MGAT5: variants seen among roughly 807,000 people sequenced by gnomAD.
The protein encoded by MGAT5 is alpha-1,6-mannosylglycoprotein 6-beta-N-acetylglucosaminyltransferase, also known as alpha-1,6-mannosylglycoprotein 6-beta-N-acetylglucosaminyltransferase A.
In MGAT5, 30 loss-of-function variants were observed where a neutral mutation model predicts 94.3. That is an observed-to-expected ratio of 0.32 (90% CI 0.24 to 0.43). The LOEUF (loss-of-function observed/expected upper bound fraction) is 0.43. Among genes scored for constraint, MGAT5 ranks in the 20% least tolerant of loss-of-function variants. The probability of loss-of-function intolerance (pLI) is 1.00; values close to 1 mark genes in which losing one functional copy is unlikely to be tolerated. For missense variants in MGAT5, 691 were observed against 905.5 expected (o/e 0.76, Z 3.04); for synonymous variants, 310 against 322.9 (o/e 0.96, Z 0.43).
intron 6 of MGAT5, among the ~76,000 whole-genome samples, chr2:134,341,009 T>C (rs1688593972): frequency 6.6e-6 from 1 of 152,192 alleles, no homozygotes; most frequent in Admixed American, 6.5e-5. Flanking sequence ...GTTCAAGTTA[T>C]ATTTTTCAAG....
intron 2 of MGAT5, among the ~76,000 whole-genome samples, chr2:134,278,754 C>T (rs1573685944): frequency 6.6e-6 from 1 of 152,178 alleles, no homozygotes; most frequent in East Asian, 1.9e-4. Flanking sequence ...GGAACGAGCC[C>T]AAACCCCTGC....
chr2:134,391,091 AG>A (rs1220325700), intron 10 of MGAT5, among the ~76,000 whole-genome samples: 2 of 152,106 alleles, frequency 1.3e-5, no homozygotes, highest in Non-Finnish European at 2.9e-5. Context: ...AAGTAAGAGG[AG>A]GGGACATATT....
chr2:134,387,631 T>C (rs1682113938), intron 10 of MGAT5, among the ~76,000 whole-genome samples: 1 of 152,134 alleles, frequency 6.6e-6, no homozygotes, highest in African/African-American at 2.4e-5. Context: ...TAGAAGTTCC[T>C]GCAGCTGGTA....
intron 4 of MGAT5, among the ~76,000 whole-genome samples, chr2:134,322,463 A>G (rs34890954): frequency 0.14 from 20,846 of 152,170 alleles, 1,698 homozygotes; most frequent in South Asian, 0.25. Context: ...GCTAATTAAC[A>G]TGTGCATTAC....
intron 1 of MGAT5, among the ~76,000 whole-genome samples, chr2:134,142,094 G>A (rs1279997893): frequency 6.6e-6 from 1 of 152,180 alleles, no homozygotes; most frequent in Non-Finnish European, 1.5e-5. Flanking sequence ...GGAGTGCAAG[G>A]GGAGGCTGAC....
chr2:134,271,469 C>T (rs948659798), intron 2 of MGAT5, among the ~76,000 whole-genome samples: 1 of 152,266 alleles, frequency 6.6e-6, no homozygotes, highest in East Asian at 1.9e-4. Flanking sequence ...CTTTTGACAT[C>T]AGTTCCTGCT....
intron 14 of MGAT5, among the ~76,000 whole-genome samples, chr2:134,433,694 C>G (rs1685009459): frequency 6.6e-6 from 1 of 152,170 alleles, no homozygotes; most frequent in African/African-American, 2.4e-5. Context: ...GTCAGTTACT[C>G]AATATTTATG....
At chr2:134,200,150 T>A (rs546071984) in intron 1 of MGAT5, among the ~76,000 whole-genome samples, 8 of 35,136 alleles carry the variant, frequency 2.3e-4, no homozygotes, top group Non-Finnish European at 3.0e-4. Flanking sequence ...CGCCCCCCAA[T>A]CCCCCCATTC....
At chr2:134,443,042 A>G (rs1421881114) in intron 15 of MGAT5, among the ~76,000 whole-genome samples, 2 of 152,086 alleles carry the variant, frequency 1.3e-5, no homozygotes, top group Non-Finnish European at 2.9e-5. Context: ...TTTGTGCACC[A>G]TGGTCTGAGT....
rs1686242711 is a variant in MGAT5, at chr2:134,454,116, A to AC, written c.*5273dup. 1 of 152,010 alleles carries AC rather than the reference A, an allele frequency of 6.6e-6. No individual in the cohort carries two copies. The highest frequency in any genetic ancestry group is 6.6e-5 in the Admixed American group (1 of 15,254). The allele number at this position is 152,010 out of a possible 1,614,324, so 9.4% of individuals were successfully genotyped here. ...AAGACACTCCCTCAATGCCACCCTG[A>AC]CCCCACGGCTGGAGAACCCTGTGCT... On this transcript the variant is annotated 3_prime_UTR_variant, in exon 16 of 16. Transcript: ENST00000281923.
chr2:134,141,489 T>G, intron 1 of MGAT5, among the ~76,000 whole-genome samples: 1 of 33,356 alleles, frequency 3.0e-5, no homozygotes, highest in Non-Finnish European at 5.5e-5. Flanking sequence ...GATAGATGGG[T>G]GGGTGGATGA....
chr2:134,191,502 C>CGTCT (rs924721344), intron 1 of MGAT5, among the ~76,000 whole-genome samples: 4 of 149,778 alleles, frequency 2.7e-5, no homozygotes, highest in African/African-American at 9.9e-5. Context: ...GGGTTCGCGC[C>CGTCT]GTCTTTCGCC....
intron 10 of MGAT5, among the ~76,000 whole-genome samples, chr2:134,373,667 G>A (rs1188155881): frequency 6.6e-6 from 1 of 152,200 alleles, no homozygotes; most frequent in Non-Finnish European, 1.5e-5. Flanking sequence ...TTGCTGGGCT[G>A]GCAGGAGATC....
chr2:134,255,758 G>C (rs1435925294), intron 1 of MGAT5, among the ~76,000 whole-genome samples: 2 of 152,124 alleles, frequency 1.3e-5, no homozygotes, highest in East Asian at 3.9e-4. Flanking sequence ...AAGTGGAGTT[G>C]TGTTTTGTGA....
chr2:134,357,867 C>T (rs559682123), intron 9 of MGAT5, among the ~76,000 whole-genome samples: 1 of 81,472 alleles, frequency 1.2e-5, no homozygotes, highest in East Asian at 3.7e-4. Flanking sequence ...ACTAGTATCA[C>T]CACCATTTGG....
intron 1 of MGAT5, among the ~76,000 whole-genome samples, chr2:134,180,949 T>G (rs1688705997): frequency 6.6e-6 from 1 of 152,212 alleles, no homozygotes; most frequent in Non-Finnish European, 1.5e-5. Context: ...TGCAGATACT[T>G]TCTCAGCGAT....
At chr2:134,255,486 C>CATAT (rs141340333) in intron 1 of MGAT5, among the ~76,000 whole-genome samples, 1 of 148,676 alleles carries the variant, frequency 6.7e-6, no homozygotes, top group African/African-American at 2.5e-5. Flanking sequence ...TACATATATA[C>CATAT]ATATATATAC....
chr2:134,308,516 TG>T (rs2105858123), intron 2 of MGAT5, among the ~76,000 whole-genome samples: 1 of 152,300 alleles, frequency 6.6e-6, no homozygotes, highest in East Asian at 1.9e-4. Flanking sequence ...TTGCCTTTTC[TG>T]GTGAGCAAGT....
intron 1 of MGAT5, among the ~76,000 whole-genome samples, chr2:134,260,722 G>A (rs1178327535): frequency 8.9e-6 from 1 of 112,728 alleles, no homozygotes; most frequent in African/African-American, 4.5e-5. Flanking sequence ...TTTTTTTGAG[G>A]GCTGGGACTG....
Sources: allele counts gnomAD v4.1 joint callset (sites outside exome capture counted in the v4.1 genomes callset), GRCh38; gene constraint gnomAD v4.1.1; transcripts MANE v1.5; gene names NCBI Gene and HGNC (gene_info 2026-07-23, HGNC 2026-07-21).